The following EYA4 variants were observed in gnomAD, a reference collection of about 807,000 sequenced individuals.
The protein encoded by EYA4 is protein phosphatase EYA4.
A neutral mutation model predicts 87.9 loss-of-function variants in EYA4; 31 were observed. The observed-to-expected ratio is 0.35, with a 90% CI of 0.27 to 0.48. The LOEUF (loss-of-function observed/expected upper bound fraction) is 0.48, where lower values mean the gene tolerates loss of function less well. Ranked by LOEUF, EYA4 falls within the 20% of genes least tolerant of loss-of-function variation. The pLI, the probability that EYA4 is intolerant of heterozygous loss-of-function variation, is 0.99. For missense variants in EYA4, 678 were observed against 761.4 expected (o/e 0.89, Z 1.29); for synonymous variants, 263 against 270.6 (o/e 0.97, Z 0.28).
At chr6:133,362,987 G>C (rs569014203) in intron 2 of EYA4, among the ~76,000 whole-genome samples, 1 of 152,184 alleles carries the variant, frequency 6.6e-6, no homozygotes, top group Non-Finnish European at 1.5e-5. Flanking sequence ...AACTTTTATG[G>C]CTCTGTGAGA....
chr6:133,495,788 T>C (rs904787022), intron 13 of EYA4, among the ~76,000 whole-genome samples: 5 of 151,802 alleles, frequency 3.3e-5, no homozygotes. Context: ...GAGTTTCTGA[T>C]TCAAGAGGTT....
At chr6:133,433,349 A>T (rs577723667) in intron 3 of EYA4, among the ~76,000 whole-genome samples, 2 of 152,360 alleles carry the variant, frequency 1.3e-5, no homozygotes, top group South Asian at 2.1e-4. Context: ...AATTCAGCCA[A>T]GCGCATGCCA....
chr6:133,330,865 G>T (rs1781886090), intron 2 of EYA4, among the ~76,000 whole-genome samples: 1 of 151,916 alleles, frequency 6.6e-6, no homozygotes, highest in South Asian at 2.1e-4. Flanking sequence ...GTTTACATCA[G>T]TGAAGTATGT....
intron 3 of EYA4, among the ~76,000 whole-genome samples, chr6:133,419,135 G>A (rs1790003142): frequency 2.0e-5 from 3 of 152,072 alleles, no homozygotes; most frequent in Admixed American, 2.0e-4. Context: ...GCCCTGCACG[G>A]CCTTACAAAT....
At chr6:133,370,829 G>A (rs757464471) in intron 2 of EYA4, among the ~76,000 whole-genome samples, 1 of 152,112 alleles carries the variant, frequency 6.6e-6, no homozygotes, top group Non-Finnish European at 1.5e-5. Context: ...AAGAGAATGA[G>A]TGTTTCCCTC....
chr6:133,263,892 C>T (rs1015223291), intron 1 of EYA4, among the ~76,000 whole-genome samples: 6 of 152,182 alleles, frequency 3.9e-5, no homozygotes, highest in African/African-American at 9.7e-5. Context: ...TCTTCAGGCA[C>T]CTGTTTCCCC....
At chr6:133,323,096 TTG>T (rs1464239508) in intron 2 of EYA4, among the ~76,000 whole-genome samples, 1 of 105,530 alleles carries the variant, frequency 9.5e-6, no homozygotes, top group East Asian at 2.5e-4. Context: ...GTGTGTGTGT[TTG>T]TGTGTGTGTG....
At chr6:133,527,799 T>C (rs1236031329) in intron 19 of EYA4, among the ~76,000 whole-genome samples, 1 of 152,230 alleles carries the variant, frequency 6.6e-6, no homozygotes, top group South Asian at 2.1e-4. Flanking sequence ...ATTTCCCTTA[T>C]ATACATGAAT....
chr6:133,530,755 C>CTT lies in EYA4; in HGVS notation c.*1951_*1952dup. ...GTGATTTCATTATCTAAACCTTAAA[C>CTT]TTAATCCTTTAAATTTTGTAGCTTT... On this transcript the variant is annotated 3_prime_UTR_variant, in exon 20 of 20. Transcript: ENST00000355286. The CTT allele has an allele frequency of 1.0e-6, 1 of 986,220 alleles. No individual in the cohort carries two copies. The highest frequency in any genetic ancestry group is 1.2e-6 in the Non-Finnish European group (1 of 830,048). The allele number at this position is 986,220 out of a possible 1,614,324, so 61.1% of individuals were successfully genotyped here.
At chr6:133,485,039 C>T (rs1235883737) in intron 13 of EYA4, among the ~76,000 whole-genome samples, 1 of 152,078 alleles carries the variant, frequency 6.6e-6, no homozygotes, top group Non-Finnish European at 1.5e-5. Flanking sequence ...TTATTTTTGT[C>T]AAAAATACCA....
At chr6:133,439,678 A>G (rs1158178501) in intron 3 of EYA4, among the ~76,000 whole-genome samples, 3 of 152,332 alleles carry the variant, frequency 2.0e-5, no homozygotes, top group Non-Finnish European at 2.9e-5. Context: ...CTTAGTGCCC[A>G]GGGGTCACTA....
intron 2 of EYA4, among the ~76,000 whole-genome samples, chr6:133,317,273 T>C (rs1039762870): frequency 7.9e-5 from 12 of 152,210 alleles, no homozygotes; most frequent in African/African-American, 2.9e-4. Context: ...ATCTTCATGA[T>C]GCTTTGAAGA....
chr6:133,359,214 A>AG (rs1280084522), intron 2 of EYA4, among the ~76,000 whole-genome samples: 1 of 152,200 alleles, frequency 6.6e-6, no homozygotes, highest in African/African-American at 2.4e-5. Context: ...CTGAGGGTTA[A>AG]GGGGGCTGAC....
intron 2 of EYA4, among the ~76,000 whole-genome samples, chr6:133,335,706 T>C (rs1247657656): frequency 6.6e-6 from 1 of 152,124 alleles, no homozygotes; most frequent in Non-Finnish European, 1.5e-5. Flanking sequence ...GCACACTCTG[T>C]AGCGGGAGGG....
rs1794512270 is a variant in EYA4 at position 133,462,748 on chromosome 6, T to C, written c.708T>C (p.Tyr236=). Residue 236 remains tyrosine, a synonymous_variant, in exon 9 of 20, where the codon TAT becomes TAC. Coordinates refer to ENST00000355286, the MANE Select transcript of EYA4 (RefSeq NM_004100.5). ...CCCCACAGCCAGGCCAGACACCTTA[T>C]TCTTACCAAATGCCAGGTAAGTAGC... The part of the protein sequence containing the change: ...FSTPQPGQTP[Y]SYQMPGSSFA... The C allele has an allele frequency of 6.2e-7, 1 of 1,613,830 alleles. No homozygotes were observed. Among genetic ancestry groups the C allele is most frequent in the African/African-American group, 1.3e-5 (1 of 74,904 alleles).
chr6:133,274,399 T>C (rs1341534788), intron 1 of EYA4, among the ~76,000 whole-genome samples: 1 of 152,230 alleles, frequency 6.6e-6, no homozygotes, highest in Non-Finnish European at 1.5e-5. Flanking sequence ...AATCTGTCAA[T>C]TGCTTGATGA....
In EYA4 at chr6:133,506,112, C is replaced by A. The variant is rs1421920414; in HGVS notation, c.1198C>A (p.Pro400Thr). 1 of 1,598,246 alleles carries A rather than the reference C, an allele frequency of 6.3e-7. No individual in the cohort carries two copies. Among genetic ancestry groups the A allele is most frequent in the Admixed American group, 1.7e-5 (1 of 59,952 alleles). The change falls in exon 14 of 20, where the codon CCC (proline) becomes ACC (threonine). Residue 400 changes from proline to threonine, a missense_variant. Physicochemically the swap from Pro to Thr is conservative, Grantham distance 38. Transcript: ENST00000355286. ...GTGTACATTTTCTTTACAGGATCCC[C>A]CCATGGCTGTAACCCTTGGACTCCG... ...SYAQKYGKDP[P>T]MAVTLGLRME... is the part of the protein sequence containing the mutation.
chr6:133,498,844 T>C (rs1797860962), intron 13 of EYA4, among the ~76,000 whole-genome samples: 1 of 152,234 alleles, frequency 6.6e-6, no homozygotes, highest in African/African-American at 2.4e-5. Context: ...TGTCTCCCCT[T>C]TCAGAGCTTC....
At chr6:133,439,835 G>C (rs1792090852) in intron 3 of EYA4, among the ~76,000 whole-genome samples, 1 of 152,208 alleles carries the variant, frequency 6.6e-6, no homozygotes, top group South Asian at 2.1e-4. Context: ...TGTTAGCAAA[G>C]AGTATCTGGT....
Sources: gnomAD v4.1 joint callset for allele counts (sites outside exome capture counted in the v4.1 genomes callset) on GRCh38, gnomAD v4.1.1 for gene constraint, MANE v1.5 for transcripts, NCBI Gene and HGNC (gene_info 2026-07-23, HGNC 2026-07-21) for gene names.